Variants in DYRK4 observed in about 807,000 individuals in gnomAD.
DYRK4 encodes dual specificity tyrosine phosphorylation regulated kinase 4.
In DYRK4, 64 loss-of-function variants were observed where a neutral mutation model predicts 68.3. The observed-to-expected ratio is 0.94, with a 90% CI of 0.77 to 1.15. The LOEUF is 1.15. DYRK4 is among the 50% of genes most tolerant of loss of function. The probability of loss-of-function intolerance (pLI) is 0.00; values close to 1 mark genes in which losing one functional copy is unlikely to be tolerated. For missense variants in DYRK4, 740 were observed against 764.7 expected, an observed-to-expected ratio of 0.97 and a Z score of 0.38; for synonymous variants, 274 against 289.9, an observed-to-expected ratio of 0.95 and a Z score of 0.56.
chr12:4,583,830 C>T (rs1944867732), intron 2 of DYRK4, among the ~76,000 whole-genome samples: 1 of 152,196 alleles, frequency 6.6e-6, no homozygotes, highest in South Asian at 2.1e-4. Flanking sequence ...ATTCTACTCC[C>T]TCCTGAGACA....
At chr12:4,571,711 G>A (rs1944732379) in intron 2 of DYRK4, among the ~76,000 whole-genome samples, 3 of 151,982 alleles carry the variant, frequency 2.0e-5, no homozygotes, top group African/African-American at 7.2e-5. Flanking sequence ...ATAGTATTTT[G>A]AATATAATGT....
At chr12:4,594,473 C>T (rs980518558) in intron 6 of DYRK4, among the ~76,000 whole-genome samples, 4 of 152,184 alleles carry the variant, frequency 2.6e-5, no homozygotes, top group African/African-American at 9.6e-5. Flanking sequence ...ATCCATCCGT[C>T]TTGGCCTCCC....
intron 2 of DYRK4, among the ~76,000 whole-genome samples, chr12:4,578,314 A>T (rs899897151): frequency 7.7e-5 from 9 of 117,032 alleles, no homozygotes; most frequent in African/African-American, 1.3e-4. Flanking sequence ...CTCTTTGAAG[A>T]AATTGCTGGT....
chr12:4,576,885 A>T (rs545162111), intron 2 of DYRK4, among the ~76,000 whole-genome samples: 1 of 152,316 alleles, frequency 6.6e-6, no homozygotes, highest in Admixed American at 6.5e-5. Flanking sequence ...TTTTAAGAGT[A>T]CTTTGTATAC....
intron 9 of DYRK4, 45 bp from the exon 10 acceptor site, chr12:4,599,662 G>C: frequency 6.7e-7 from 1 of 1,494,344 alleles, no homozygotes; most frequent in South Asian, 1.1e-5. Flanking sequence ...AGAGGGCCTA[G>C]GGCCGCATTA....
chr12:4,567,910 A>T, intron 1 of DYRK4, 45 bp from the exon 2 acceptor site: 2 of 1,494,044 alleles, frequency 1.3e-6, no homozygotes, highest in Non-Finnish European at 1.8e-6. Context: ...CATTACTTAG[A>T]TTTGACTCCT....
intron 2 of DYRK4, among the ~76,000 whole-genome samples, chr12:4,579,439 G>T (rs1944819949): frequency 6.6e-6 from 1 of 152,122 alleles, no homozygotes; most frequent in African/African-American, 2.4e-5. Context: ...CTAATGCCCA[G>T]CGTACCATTT....
chr12:4,570,848 A>G (rs1236938037), intron 2 of DYRK4, among the ~76,000 whole-genome samples: 1 of 152,188 alleles, frequency 6.6e-6, no homozygotes, highest in African/African-American at 2.4e-5. Context: ...CTCTCTAGTA[A>G]TCTGGAGTTC....
Position 4,600,217 on chromosome 12 carries a change from C to T in DYRK4, c.1126+429C>T, listed in dbSNP as rs183133238. On this transcript the variant is annotated intron_variant, in intron 10 of 14. Transcript: ENST00000543431. ...GTTTTATTCTTTTTCAAGCTAGGAT[C>T]CAAAAAAGTAGCTCTGGAGTACATT... Among the ~76,000 whole-genome samples the T allele has an allele frequency of 2.6e-5, 4 of 152,142 alleles. No individual in the cohort carries two copies. The East Asian group carries it at 7.7e-4, about 29-fold the overall frequency.
Position 4,591,453 on chromosome 12 carries a change from T to A in DYRK4, c.463+155T>A. ...GAAAGTAGAAGTTAAGCGTTGAACCTCTGACTGTGGTAGTATAAGCAAGAG... is the reference window on the plus strand; with the variant it reads ...GAAAGTAGAAGTTAAGCGTTGAACCACTGACTGTGGTAGTATAAGCAAGAG... On this transcript the variant is annotated intron_variant, in intron 5 of 14. Coordinates refer to ENST00000543431, the MANE Select transcript of DYRK4 (RefSeq NM_001394779.1). This position sits in a 1 kb window ranked among gnomAD's most constrained non-coding sequence, Gnocchi z 4.1. 9.2e-7 allele frequency: 1 copy of A among 1,084,942 alleles called. No individual in the cohort carries two copies. Among genetic ancestry groups the A allele is most frequent in the African/African-American group, 1.6e-5 (1 of 62,958 alleles). The allele number at this position is 1,084,942 out of a possible 1,614,324, so 67.2% of individuals were successfully genotyped here.
At chr12:4,594,241 A>G (rs561481579) in intron 6 of DYRK4, among the ~76,000 whole-genome samples, 4 of 152,262 alleles carry the variant, frequency 2.6e-5, no homozygotes, top group African/African-American at 7.2e-5. Context: ...AAATATGTAT[A>G]TATGTTTTTT....
chr12:4,605,184 C>A, intron 11 of DYRK4, 98 bp downstream of exon 11: 2 of 1,088,280 alleles, frequency 1.8e-6, no homozygotes, highest in Non-Finnish European at 1.3e-6. Flanking sequence ...GGCCTGCATA[C>A]CTTGTTGTTG....
intron 2 of DYRK4, among the ~76,000 whole-genome samples, chr12:4,575,357 G>T (rs1004546903): frequency 2.7e-5 from 4 of 145,962 alleles, no homozygotes; most frequent in African/African-American, 1.0e-4. Flanking sequence ...TGCCCAGGCT[G>T]GAGTGCAGTG....
chr12:4,581,909 G>A (rs1032616416), intron 2 of DYRK4, among the ~76,000 whole-genome samples: 1 of 152,206 alleles, frequency 6.6e-6, no homozygotes, highest in African/African-American at 2.4e-5. Flanking sequence ...TATACATAAT[G>A]AGATATTTTG....
At chr12:4,593,411 C>T (rs1045700546) in intron 6 of DYRK4, among the ~76,000 whole-genome samples, 7 of 152,074 alleles carry the variant, frequency 4.6e-5, no homozygotes, top group Non-Finnish European at 8.8e-5. Context: ...TTGGGGTAGC[C>T]GGTTTGCATC....
intron 2 of DYRK4, among the ~76,000 whole-genome samples, chr12:4,584,141 G>C (rs958386595): frequency 6.6e-6 from 1 of 152,200 alleles, no homozygotes; most frequent in South Asian, 2.1e-4. Context: ...TTCCAAAAGA[G>C]GGGATTATAT....
chr12:4,579,463 C>T (rs1298083629), intron 2 of DYRK4, among the ~76,000 whole-genome samples: 2 of 152,174 alleles, frequency 1.3e-5, no homozygotes, highest in African/African-American at 2.4e-5. Context: ...GCTTCACTGA[C>T]ATGCCGGTCA....
At chr12:4,583,421 A>G (rs541078192) in intron 2 of DYRK4, among the ~76,000 whole-genome samples, 4 of 152,046 alleles carry the variant, frequency 2.6e-5, no homozygotes, top group East Asian at 1.9e-4. Flanking sequence ...GGCCTCAGCC[A>G]TAGCAGCACT....
chr12:4,565,617 T>A (rs1427799149), intron 1 of DYRK4, among the ~76,000 whole-genome samples: 1 of 148,242 alleles, frequency 6.7e-6, no homozygotes, highest in Non-Finnish European at 1.5e-5. Context: ...TTTGGAAGAT[T>A]TCACATTTAC....
Sources: gnomAD v4.1 joint callset for allele counts (sites outside exome capture counted in the v4.1 genomes callset) on GRCh38, gnomAD v4.1.1 for gene constraint, Gnocchi (gnomAD v3.1) non-coding constraint, MANE v1.5 for transcripts, NCBI Gene and HGNC (gene_info 2026-07-23, HGNC 2026-07-21) for gene names.